Variants in TSPAN4 observed in about 807,000 individuals in gnomAD.
TSPAN4 encodes the protein tetraspanin 4.
In TSPAN4, 38 loss-of-function variants were observed where a neutral mutation model predicts 31.5. That is an observed-to-expected ratio of 1.21 (90% CI 0.93 to 1.58). The LOEUF (loss-of-function observed/expected upper bound fraction) is 1.58. TSPAN4 is among the 40% of genes most tolerant of loss of function. The pLI, the probability that TSPAN4 is intolerant of heterozygous loss-of-function variation, is 0.00. For missense variants in TSPAN4, 330 were observed against 317.3 expected (o/e 1.04, Z -0.30); for synonymous variants, 186 against 144.6 (o/e 1.29, Z -2.06).
chr11:853,559 A>T (rs999422709), intron 3 of TSPAN4, among the ~76,000 whole-genome samples: 25 of 152,118 alleles, frequency 1.6e-4, no homozygotes, highest in Admixed American at 1.0e-3. Flanking sequence ...GGCTGCTGGC[A>T]AGAGTCTGTG....
intron 3 of TSPAN4, chr11:856,995 G>A (rs116952074): frequency 0.01 from 1,510 of 150,950 alleles, 8 homozygotes; most frequent in Non-Finnish European, 0.017. Context: ...TAACGCGCGC[G>A]TGTGGCCACG....
rs1848888418 is a variant in TSPAN4, at chr11:866,945, C to T, written c.*315C>T. On this transcript the variant is annotated 3_prime_UTR_variant, in exon 9 of 9. Transcript: ENST00000397397. ...TGTTCACACGGGAGCCAGCCTGTGG[C>T]CCCCAGCCTCCTGGAAAACAGGTTG... The T allele has an allele frequency of 4.0e-6, 1 of 247,940 alleles. No individual in the cohort carries two copies. The highest frequency in any genetic ancestry group is 8.0e-5 in the East Asian group (1 of 12,546). The allele number at this position is 247,940 out of a possible 1,614,324, so 15.4% of individuals were successfully genotyped here.
chr11:847,614 C>G (rs1171066051), intron 2 of TSPAN4, among the ~76,000 whole-genome samples: 6 of 151,008 alleles, frequency 4.0e-5, no homozygotes, highest in Non-Finnish European at 5.9e-5. Flanking sequence ...CGCCCCCACC[C>G]CCCCCCAACC....
chr11:863,984 AG>A (rs1405245150), intron 4 of TSPAN4: 1 of 194,640 alleles, frequency 5.1e-6, no homozygotes, highest in East Asian at 1.2e-4. Flanking sequence ...TGTGGGCAGA[AG>A]GGGCCTCTGC....
rs1565129507 is a variant in TSPAN4 at position 848,682 on chromosome 11, C to T, written c.-18+1382C>T. ...TCCCCTCCCTTAGCTTCCTCTCCCT[C>T]CTCTTCCTCCTGCCCTTCCTCATTC... On this transcript the variant is annotated intron_variant, in intron 2 of 8. Coordinates refer to ENST00000397397, the MANE Select transcript of TSPAN4 (RefSeq NM_003271.5). This position sits in a 1 kb window ranked among gnomAD's most constrained non-coding sequence, Gnocchi z 5.7. 8 of 504,816 alleles carry T rather than the reference C, an allele frequency of 1.6e-5. No individual in the cohort carries two copies. Among genetic ancestry groups the T allele is most frequent in the African/African-American group, 2.0e-5 (1 of 50,904 alleles). 31.3% of individuals were successfully genotyped at this position (504,816 alleles called of 1,614,324 possible).
Position 848,745 on chromosome 11 carries a change from G to A in TSPAN4, c.-18+1445G>A. On this transcript the variant is annotated intron_variant, in intron 2 of 8. Coordinates refer to ENST00000397397, the MANE Select transcript of TSPAN4 (RefSeq NM_003271.5). The surrounding 1 kb of genome is among the most constrained non-coding windows in gnomAD (Gnocchi z 5.7). ...CTTCAGGTCATCTGCCAGGAATCTGGGCCACGTGCTGATATCTTCCCAACA... is the reference window on the plus strand; with the variant it reads ...CTTCAGGTCATCTGCCAGGAATCTGAGCCACGTGCTGATATCTTCCCAACA... 1 of 518,032 alleles carries A rather than the reference G, an allele frequency of 1.9e-6. No individual in the cohort carries two copies. Among genetic ancestry groups the A allele is most frequent in the Non-Finnish European group, 3.5e-6 (1 of 288,776 alleles). The allele number at this position is 518,032 out of a possible 1,614,324, so 32.1% of individuals were successfully genotyped here. A position where few individuals can be genotyped will look rare whatever the true frequency, so the allele number is the denominator to read the frequency against.
intron 5 of TSPAN4, chr11:864,768 C>T (rs1848670255): frequency 1.7e-6 from 1 of 572,032 alleles, no homozygotes; most frequent in Admixed American, 3.0e-5. Context: ...TGTCCCCCGC[C>T]CTCTGACGCA....
chr11:852,869 G>A (rs933675800), intron 3 of TSPAN4, among the ~76,000 whole-genome samples: 1 of 148,314 alleles, frequency 6.7e-6, no homozygotes, highest in African/African-American at 2.5e-5. Context: ...CCCCCGGCGG[G>A]ACCTCAAGAT....
At chr11:849,586 C>G (rs1847509449) in intron 2 of TSPAN4, among the ~76,000 whole-genome samples, 1 of 151,958 alleles carries the variant, frequency 6.6e-6, no homozygotes, top group Non-Finnish European at 1.5e-5. Flanking sequence ...GGCCTCCAGT[C>G]CCCTCAGGCG....
In TSPAN4 at chr11:848,816, G is replaced by T; in HGVS notation, c.-17-1472G>T. 1 of 626,992 alleles carries T rather than the reference G, an allele frequency of 1.6e-6. No homozygotes were observed. The highest frequency in any genetic ancestry group is 2.9e-6 in the Non-Finnish European group (1 of 340,792). 38.8% of individuals were successfully genotyped at this position (626,992 alleles called of 1,614,324 possible). A position where few individuals can be genotyped will look rare whatever the true frequency, so the allele number is the denominator to read the frequency against. On this transcript the variant is annotated intron_variant, in intron 2 of 8. Transcript: ENST00000397397. This position sits in a 1 kb window ranked among gnomAD's most constrained non-coding sequence, Gnocchi z 5.7. ...GTGGTGGGGCTGGGGCTTCAGAGGC[G>T]TGGGGTAGGCTGCAGGGCACAGCTG...
intron 3 of TSPAN4, among the ~76,000 whole-genome samples, chr11:854,689 G>A (rs566015677): frequency 2.6e-5 from 4 of 152,036 alleles, no homozygotes; most frequent in South Asian, 2.1e-4. Flanking sequence ...TCCTGGCTGC[G>A]CTTGAGGCCT....
At chr11:864,545 G>A (rs1387196328) in intron 5 of TSPAN4, 34 bp downstream of exon 5, 67 of 1,608,732 alleles carry the variant, frequency 4.2e-5, no homozygotes, top group Non-Finnish European at 4.5e-5. Context: ...CCAACTGCAG[G>A]GCTGGGGGCT....
chr11:866,443 T>C, intron 8 of TSPAN4, 119 bp from the exon 9 acceptor site: 1 of 845,222 alleles, frequency 1.2e-6, no homozygotes, highest in South Asian at 1.9e-5. Flanking sequence ...TCTGCCACTG[T>C]GTCGCCCACC....
Position 862,730 on chromosome 11 carries a change from C to T in TSPAN4, c.244C>T (p.Leu82Phe), listed in dbSNP as rs1162378452. 4 of 1,611,096 alleles carry T rather than the reference C, an allele frequency of 2.5e-6. No homozygotes were observed. Among genetic ancestry groups the T allele is most frequent in the East Asian group, 2.2e-5 (1 of 44,828 alleles). ...CLGAIKENKC[L>F]LLTFFLLLLL... is the part of the protein sequence containing the mutation. Reference sequence around the variant, plus strand: ...GGGTGCCATCAAGGAGAACAAGTGCCTCCTGCTCACTGTGAGTGCCGGGGC... The same window carrying T: ...GGGTGCCATCAAGGAGAACAAGTGCTTCCTGCTCACTGTGAGTGCCGGGGC... Residue 82 changes from leucine (L) to phenylalanine (F), a missense_variant, in exon 4 of 9, where the codon CTC becomes TTC. Transcript: ENST00000397397.
At chr11:861,979 C>T (rs982978728) in intron 3 of TSPAN4, among the ~76,000 whole-genome samples, 8 of 152,164 alleles carry the variant, frequency 5.3e-5, no homozygotes, top group Non-Finnish European at 8.8e-5. Context: ...AGGGAATCAG[C>T]GTTTCTCCTG....
intron 4 of TSPAN4, chr11:863,384 C>T (rs1180275378): frequency 1.3e-5 from 2 of 152,304 alleles, no homozygotes; most frequent in Admixed American, 6.5e-5. Context: ...AATCACGAGG[C>T]TTCCGATCAC....
chr11:856,166 T>TG (rs1432295468), intron 3 of TSPAN4, among the ~76,000 whole-genome samples: 1 of 146,066 alleles, frequency 6.8e-6, no homozygotes, highest in African/African-American at 2.5e-5. Context: ...CGCCCAGCGC[T>TG]GGGGGACGGC....
At chr11:850,636 C>T (rs1433419067) in intron 3 of TSPAN4, among the ~76,000 whole-genome samples, 2 of 152,260 alleles carry the variant, frequency 1.3e-5, no homozygotes, top group Non-Finnish European at 2.9e-5. Flanking sequence ...CCTCTCCTCA[C>T]TTGATGAGAC....
intron 3 of TSPAN4, chr11:857,529 A>G (rs1479323934): frequency 1.4e-5 from 2 of 147,710 alleles, no homozygotes; most frequent in East Asian, 4.1e-4. Context: ...CAGCCTCCTG[A>G]GTAGCTGCGA....
Sources: gnomAD v4.1 joint callset for allele counts (sites outside exome capture counted in the v4.1 genomes callset) on GRCh38, gnomAD v4.1.1 for gene constraint, Gnocchi (gnomAD v3.1) non-coding constraint, MANE v1.5 for transcripts, NCBI Gene and HGNC (gene_info 2026-07-23, HGNC 2026-07-21) for gene names.